The following EXOC4 variants were observed in gnomAD, a reference collection of about 807,000 sequenced individuals.
The protein encoded by EXOC4 is exocyst complex component 4.
A neutral mutation model predicts 107.2 loss-of-function variants in EXOC4; 71 were observed. The ratio of observed to expected loss-of-function variants is 0.66; its 90% CI spans 0.55 to 0.81. The LOEUF (loss-of-function observed/expected upper bound fraction) is 0.81. Among genes scored for constraint, EXOC4 ranks in the 30% least tolerant of loss-of-function variants. EXOC4 has a pLI of 0.00. For synonymous variants in EXOC4, 456 were observed against 441.2 expected, an observed-to-expected ratio of 1.03 and a Z score of -0.42; for missense variants, 1,108 against 1,189.6, an observed-to-expected ratio of 0.93 and a Z score of 1.01.
chr7:133,707,001 C>G (rs879647830), intron 10 of EXOC4, among the ~76,000 whole-genome samples: 5 of 151,984 alleles, frequency 3.3e-5, no homozygotes, highest in Non-Finnish European at 7.4e-5. Flanking sequence ...TAACCTCAAG[C>G]TTTCACTGTC....
intron 7 of EXOC4, among the ~76,000 whole-genome samples, chr7:133,429,224 A>T (rs1425267164): frequency 6.6e-6 from 1 of 152,044 alleles, no homozygotes; most frequent in African/African-American, 2.4e-5. Context: ...TTTTTTTTTG[A>T]ATCAATCTTG....
intron 10 of EXOC4, among the ~76,000 whole-genome samples, chr7:133,726,456 C>T (rs755893403): frequency 3.9e-5 from 6 of 152,192 alleles, no homozygotes; most frequent in Non-Finnish European, 5.9e-5. Flanking sequence ...ATGTACAACA[C>T]CCCCTTACCC....
At chr7:133,963,717 A>G (rs1164959305) in intron 14 of EXOC4, among the ~76,000 whole-genome samples, 3 of 152,196 alleles carry the variant, frequency 2.0e-5, no homozygotes, top group Admixed American at 2.0e-4. Flanking sequence ...AAGAAAGTAT[A>G]TTGTCTTTTC....
At chr7:133,704,564 GTAATGCACGTAGGTCTTAGC>G (rs1336054610) in intron 10 of EXOC4, among the ~76,000 whole-genome samples, 1 of 152,208 alleles carries the variant, frequency 6.6e-6, no homozygotes, top group African/African-American at 2.4e-5. Context: ...AATACAGTGA[GTAATGCACGTAGGTCTTAGC>G]CCCATCCTGG....
intron 9 of EXOC4, among the ~76,000 whole-genome samples, chr7:133,610,901 T>G (rs1329473501): frequency 2.6e-5 from 4 of 151,466 alleles, no homozygotes. Flanking sequence ...AGCTGTGATC[T>G]CCTGGGCTCA....
intron 10 of EXOC4, among the ~76,000 whole-genome samples, chr7:133,669,319 G>A (rs6958569): frequency 0.24 from 35,009 of 146,570 alleles, 5,401 homozygotes; most frequent in East Asian, 0.5. Flanking sequence ...GGATGAGGCT[G>A]CCTCAATGCA....
At chr7:133,563,318 A>G (rs1800844608) in intron 9 of EXOC4, among the ~76,000 whole-genome samples, 1 of 152,200 alleles carries the variant, frequency 6.6e-6, no homozygotes, top group African/African-American at 2.4e-5. Flanking sequence ...AAAGAAGTCA[A>G]TCAAAATTGG....
chr7:133,631,519 A>G lies in EXOC4; in HGVS notation c.1514+1378A>G, dbSNP rs1054602350. On this transcript the variant is annotated intron_variant, in intron 10 of 17. Transcript: ENST00000253861. ...AAAACATAAATATGTAAATTAAATA[A>G]CAAAAACTTGACTTTCACACAATAA... Among the ~76,000 whole-genome samples, 9 of 152,212 alleles carry G rather than the reference A, an allele frequency of 5.9e-5. No individual in the cohort carries two copies. In the South Asian group the frequency reaches 1.2e-3, roughly 21 times the overall value.
intron 11 of EXOC4, among the ~76,000 whole-genome samples, chr7:133,879,449 A>G (rs1798918804): frequency 6.6e-6 from 1 of 152,144 alleles, no homozygotes; most frequent in Non-Finnish European, 1.5e-5. Flanking sequence ...TCTTCCTTAA[A>G]ATAGGACTTT....
chr7:133,958,998 C>T (rs572710242), intron 14 of EXOC4, among the ~76,000 whole-genome samples: 16 of 152,302 alleles, frequency 1.1e-4, no homozygotes, highest in Non-Finnish European at 1.6e-4. Context: ...TCTGAAAAAT[C>T]TGATAAGCAC....
At chr7:133,954,362 C>T (rs1439786871) in intron 14 of EXOC4, among the ~76,000 whole-genome samples, 3 of 152,116 alleles carry the variant, frequency 2.0e-5, no homozygotes, top group Non-Finnish European at 4.4e-5. Flanking sequence ...TGTATGTGTG[C>T]CTTGAAATAT....
intron 11 of EXOC4, among the ~76,000 whole-genome samples, chr7:133,877,256 G>A (rs953245752): frequency 6.6e-6 from 1 of 151,456 alleles, no homozygotes; most frequent in Non-Finnish European, 1.5e-5. Flanking sequence ...GTCATCCCTG[G>A]GTCTGTTTCT....
intron 9 of EXOC4, among the ~76,000 whole-genome samples, chr7:133,597,554 C>CAA (rs58399632): frequency 9.4e-5 from 9 of 96,068 alleles, no homozygotes; most frequent in South Asian, 3.7e-4. Context: ...AACTCTGTTT[C>CAA]AAAAAAAAAA....
intron 10 of EXOC4, among the ~76,000 whole-genome samples, chr7:133,656,391 GTATA>G (rs1562894407): frequency 9.4e-6 from 1 of 106,424 alleles, no homozygotes; most frequent in African/African-American, 4.0e-5. Flanking sequence ...ATGTATGTAT[GTATA>G]TCTGTGTGTG....
chr7:133,847,724 G>A (rs1223407236), intron 11 of EXOC4, among the ~76,000 whole-genome samples: 2 of 150,084 alleles, frequency 1.3e-5, no homozygotes, highest in African/African-American at 4.9e-5. Flanking sequence ...GGGAGAGGGT[G>A]GGGGACGGAG....
intron 5 of EXOC4, among the ~76,000 whole-genome samples, chr7:133,338,883 T>C (rs1026082101): frequency 4.6e-5 from 7 of 150,846 alleles, no homozygotes; most frequent in Admixed American, 1.3e-4. Context: ...CTCCTGAGTA[T>C]CTGGGATCAC....
At chr7:133,918,709 G>T (rs1799867446) in intron 13 of EXOC4, among the ~76,000 whole-genome samples, 1 of 148,066 alleles carries the variant, frequency 6.8e-6, no homozygotes, top group African/African-American at 2.6e-5. Context: ...TGGCTGGCTT[G>T]CCACAGTGAA....
intron 10 of EXOC4, among the ~76,000 whole-genome samples, chr7:133,675,739 A>G (rs1009590161): frequency 5.3e-5 from 8 of 152,210 alleles, no homozygotes; most frequent in African/African-American, 1.2e-4. Flanking sequence ...GGAGTGAGGA[A>G]CTGTATACCG....
At chr7:133,435,597 T>C (rs918056784) in intron 7 of EXOC4, among the ~76,000 whole-genome samples, 5 of 152,224 alleles carry the variant, frequency 3.3e-5, no homozygotes, top group African/African-American at 1.2e-4. Context: ...CTCTCTTCCT[T>C]AGTTTCTGCT....
Sources: gnomAD v4.1 joint callset for allele counts (sites outside exome capture counted in the v4.1 genomes callset) on GRCh38, gnomAD v4.1.1 for gene constraint, MANE v1.5 for transcripts, NCBI Gene and HGNC (gene_info 2026-07-23, HGNC 2026-07-21) for gene names.